Variants in BANK1 observed in about 807,000 individuals in gnomAD.
The protein encoded by BANK1 is B cell scaffold protein with ankyrin repeats 1, also known as B-cell scaffold protein with ankyrin repeats.
In BANK1, 95 loss-of-function variants were observed where a neutral mutation model predicts 94.5. The ratio of observed to expected loss-of-function variants is 1.00; its 90% confidence interval spans 0.85 to 1.19. The LOEUF is 1.19. Among genes scored for constraint, BANK1 ranks in the 50% most tolerant of loss-of-function variants. BANK1 has a pLI of 0.00. For missense variants in BANK1, 987 were observed against 932.2 expected, an observed-to-expected ratio of 1.06 and a Z score of -0.77; for synonymous variants, 334 against 308.4, an observed-to-expected ratio of 1.08 and a Z score of -0.87.
chr4:101,997,646 T>C (rs1725926304), intron 7 of BANK1, among the ~76,000 whole-genome samples: 1 of 152,194 alleles, frequency 6.6e-6, no homozygotes, highest in South Asian at 2.1e-4. Context: ...TGGTTTAGTC[T>C]TGGGATGGTG....
chr4:101,929,981 T>A (rs1723289228), intron 7 of BANK1, among the ~76,000 whole-genome samples: 1 of 151,532 alleles, frequency 6.6e-6, no homozygotes, highest in Non-Finnish European at 1.5e-5. Context: ...TCTCATGACA[T>A]CTTCATAACA....
At chr4:101,922,055 TGA>T (rs1361176694) in intron 7 of BANK1, among the ~76,000 whole-genome samples, 275 of 144,364 alleles carry the variant, frequency 1.9e-3, no homozygotes, top group African/African-American at 2.7e-3. Flanking sequence ...TGTGTGTGTG[TGA>T]GACAGAGAGA....
In BANK1 at chr4:102,060,331, C is replaced by T; in HGVS notation, c.2090C>T (p.Ala697Val). ...AATGGGAAAATGTCTATGGATGAAG[C>T]TCTGGAGAAATTTAAACACTGGCAG... ...VKNGKMSMDE[A>V]LEKFKHWQMG... is the part of the protein sequence containing the mutation. Residue 697 changes from alanine (A) to valine (V), a missense_variant, in exon 12 of 17, where the codon GCT (alanine) becomes GTT (valine). Transcript: ENST00000322953. 1.9e-6 allele frequency: 3 copies of T among 1,610,850 alleles called. No individual in the cohort carries two copies. Among genetic ancestry groups the T allele is most frequent in the Non-Finnish European group, 2.5e-6 (3 of 1,178,872 alleles).
At chr4:101,943,147 G>A (rs540166900) in intron 7 of BANK1, among the ~76,000 whole-genome samples, 32 of 151,910 alleles carry the variant, frequency 2.1e-4, no homozygotes, top group Non-Finnish European at 3.7e-4. Flanking sequence ...AACTTTAATA[G>A]CATTTAAATA....
chr4:101,855,979 A>G (rs1257438923), intron 3 of BANK1, among the ~76,000 whole-genome samples: 2 of 152,198 alleles, frequency 1.3e-5, no homozygotes, highest in Non-Finnish European at 2.9e-5. Flanking sequence ...ATCTTAGGAC[A>G]TGAAAAAGAT....
rs148167979 is a variant in BANK1 at position 101,970,229 on chromosome 4, T to C, written c.1207-51285T>C. On this transcript the variant is annotated intron_variant, in intron 7 of 16. Coordinates refer to ENST00000322953, the MANE Select transcript of BANK1 (RefSeq NM_017935.5). ...GAAGATTCGAGGCGCTGGCGCATAGTACGGATTCAATAGGTAGCTACTATT... is the reference window on the plus strand; with the variant it reads ...GAAGATTCGAGGCGCTGGCGCATAGCACGGATTCAATAGGTAGCTACTATT... 2.0e-3 allele frequency among the ~76,000 whole-genome samples: 299 copies of C among 152,270 alleles called. 1 individual carries two copies. The highest frequency in any genetic ancestry group is 3.4e-3 in the Middle Eastern group (1 of 294).
At chr4:101,890,112 C>A (rs190899715) in intron 5 of BANK1, among the ~76,000 whole-genome samples, 2 of 152,222 alleles carry the variant, frequency 1.3e-5, no homozygotes. Context: ...GTTTCTCAAA[C>A]CCTTGGAAAG....
chr4:101,886,569 A>G (rs1213033200), intron 5 of BANK1, among the ~76,000 whole-genome samples: 1 of 152,232 alleles, frequency 6.6e-6, no homozygotes, highest in Non-Finnish European at 1.5e-5. Flanking sequence ...ACGTTGTTAC[A>G]AAATGGTTAC....
At chr4:101,933,080 C>A (rs975647623) in intron 7 of BANK1, among the ~76,000 whole-genome samples, 1 of 151,442 alleles carries the variant, frequency 6.6e-6, no homozygotes, top group African/African-American at 2.4e-5. Flanking sequence ...AGTTACACTG[C>A]AAACTCTCTT....
intron 7 of BANK1, among the ~76,000 whole-genome samples, chr4:101,930,525 G>T (rs1161551801): frequency 2.0e-5 from 3 of 151,398 alleles, no homozygotes; most frequent in Admixed American, 6.6e-5. Context: ...CCATTCGCCA[G>T]TGAAATATCA....
intron 7 of BANK1, among the ~76,000 whole-genome samples, chr4:101,973,702 A>C (rs1158068779): frequency 6.6e-6 from 1 of 152,094 alleles, no homozygotes; most frequent in Admixed American, 6.6e-5. Context: ...CCAGAGTCAC[A>C]TATAATATAA....
At chr4:101,956,139 A>C (rs1476460083) in intron 7 of BANK1, among the ~76,000 whole-genome samples, 1 of 152,176 alleles carries the variant, frequency 6.6e-6, no homozygotes, top group Admixed American at 6.6e-5. Flanking sequence ...TTTTGGAAAT[A>C]CAAAAAAAAT....
chr4:101,909,044 A>G (rs576292700), intron 6 of BANK1, among the ~76,000 whole-genome samples: 1 of 152,344 alleles, frequency 6.6e-6, no homozygotes, highest in South Asian at 2.1e-4. Context: ...TGACCCAGCC[A>G]TCCCATTACT....
chr4:101,852,470 C>CTATATATAATA (rs1553927037), intron 2 of BANK1, among the ~76,000 whole-genome samples: 2 of 103,768 alleles, frequency 1.9e-5, no homozygotes, highest in East Asian at 5.7e-4. Context: ...TATTTTTCGG[C>CTATATATAATA]TATATATATA....
chr4:101,847,075 A>C (rs1397583177), intron 2 of BANK1, among the ~76,000 whole-genome samples: 1 of 152,156 alleles, frequency 6.6e-6, no homozygotes, highest in Non-Finnish European at 1.5e-5. Flanking sequence ...CGTATGAAGG[A>C]AGGCTTACCA....
intron 2 of BANK1, among the ~76,000 whole-genome samples, chr4:101,836,664 T>C (rs1578346249): frequency 6.6e-6 from 1 of 152,194 alleles, no homozygotes; most frequent in East Asian, 1.9e-4. Flanking sequence ...AGGTTTACTG[T>C]GGGATTCTTG....
intron 11 of BANK1, among the ~76,000 whole-genome samples, chr4:102,051,769 T>C (rs563745339): frequency 1.6e-4 from 24 of 152,108 alleles, no homozygotes; most frequent in Admixed American, 2.6e-4. Context: ...ATGCAGAAAA[T>C]ATTCCTTCCA....
chr4:101,892,198 ATTATAT>A (rs957880352), intron 5 of BANK1, among the ~76,000 whole-genome samples: 3 of 150,666 alleles, frequency 2.0e-5, no homozygotes, highest in African/African-American at 7.3e-5. Context: ...TTATATCTTT[ATTATAT>A]TTATATTTTC....
At chr4:101,923,681 A>G (rs941558478) in intron 7 of BANK1, among the ~76,000 whole-genome samples, 9 of 151,844 alleles carry the variant, frequency 5.9e-5, no homozygotes, top group African/African-American at 2.2e-4. Context: ...GATTTTAAAT[A>G]AGCACTTAAT....
Sources: gnomAD v4.1 joint callset for allele counts (sites outside exome capture counted in the v4.1 genomes callset) on GRCh38, gnomAD v4.1.1 for gene constraint, MANE v1.5 for transcripts, NCBI Gene and HGNC (gene_info 2026-07-23, HGNC 2026-07-21) for gene names.